GPATCH2: variants seen among roughly 807,000 people sequenced by gnomAD.
The protein encoded by GPATCH2 is G patch domain-containing protein 2.
In GPATCH2, 51 loss-of-function variants were observed where a neutral mutation model predicts 58.0. That is an observed-to-expected ratio of 0.88 (90% CI 0.70 to 1.11). The LOEUF is 1.11. Among genes scored for constraint, GPATCH2 ranks in the 50% most tolerant of loss-of-function variants. The pLI is 0.00. For synonymous variants in GPATCH2, 222 were observed against 218.5 expected, an observed-to-expected ratio of 1.02 and a Z score of -0.14; for missense variants, 625 against 652.2, an observed-to-expected ratio of 0.96 and a Z score of 0.45.
At chr1:217,596,345 G>A (rs1306672477) in intron 5 of GPATCH2, among the ~76,000 whole-genome samples, 3 of 152,122 alleles carry the variant, frequency 2.0e-5, no homozygotes, top group Admixed American at 6.6e-5. Context: ...AAGGAATTCT[G>A]TATAGCTTGA....
intron 5 of GPATCH2, among the ~76,000 whole-genome samples, chr1:217,532,900 GTTTTTT>G (rs59591091): frequency 2.7e-4 from 30 of 110,860 alleles, no homozygotes; most frequent in Non-Finnish European, 3.7e-4. Context: ...TTTTTTTTTT[GTTTTTT>G]TTTTTTTTTT....
In GPATCH2 at chr1:217,583,639, A is replaced by C. The variant is rs191375492; in HGVS notation, c.1098+26682T>G. Reference sequence around the variant, plus strand: ...AGAAGCTATATTTGGATAAGGGCTGAAATCTTTTTTTAAGAACTGATTAAA... The same window carrying C: ...AGAAGCTATATTTGGATAAGGGCTGCAATCTTTTTTTAAGAACTGATTAAA... On this transcript the variant is annotated intron_variant, in intron 5 of 9. Coordinates refer to ENST00000366935, the MANE Select transcript of GPATCH2 (RefSeq NM_018040.5). 5.8e-3 allele frequency among the ~76,000 whole-genome samples: 888 copies of C among 151,954 alleles called. 7 individuals carry two copies. Among genetic ancestry groups the C allele is most frequent in the African/African-American group, 0.02 (813 of 41,484 alleles).
chr1:217,560,289 C>T (rs1011160257), intron 5 of GPATCH2, among the ~76,000 whole-genome samples: 2 of 152,338 alleles, frequency 1.3e-5, no homozygotes, highest in Middle Eastern at 3.4e-3. Flanking sequence ...TCGCTATACC[C>T]ACAGTATCCT....
At chr1:217,565,479 T>C (rs1010403824) in intron 5 of GPATCH2, among the ~76,000 whole-genome samples, 13 of 152,170 alleles carry the variant, frequency 8.5e-5, no homozygotes, top group African/African-American at 3.1e-4. Flanking sequence ...CTTATCATAA[T>C]AGTGATGAGC....
Position 217,514,827 on chromosome 1 carries a change from G to A in GPATCH2, c.1161C>T (p.His387=), listed in dbSNP as rs1179538458. The A allele has an allele frequency of 6.8e-7, 1 of 1,460,872 alleles. No homozygotes were observed. The highest frequency in any genetic ancestry group is 2.3e-5 in the East Asian group (1 of 44,130). 90.5% of individuals were successfully genotyped at this position (1,460,872 alleles called of 1,614,324 possible). The change falls in exon 6 of 10, where the codon CAC becomes CAT. Residue 387 remains histidine (H), a synonymous_variant. Coordinates refer to ENST00000366935, the MANE Select transcript of GPATCH2 (RefSeq NM_018040.5). The part of the protein sequence containing the change: ...RMVHFSPDSH[H]HDHWFSPGAR... ...TAAACACACTGAGTACTCACTCATG[G>A]TGATGAGAATCCGGGGAAAAATGAA...
At chr1:217,577,525 T>A (rs1164054048) in intron 5 of GPATCH2, among the ~76,000 whole-genome samples, 2 of 152,184 alleles carry the variant, frequency 1.3e-5, no homozygotes, top group Non-Finnish European at 2.9e-5. Context: ...AAACTTTGCA[T>A]AATATTTAAT....
rs1658397835 is a variant in GPATCH2 at position 217,428,155 on chromosome 1, A to G, written c.*2990T>C. ...ATCAAGTATAACAAATTTTTTAAAC[A>G]GTCAAGTTGCTAATGTAATCATGCT... On this transcript the variant is annotated 3_prime_UTR_variant, in exon 10 of 10. Coordinates refer to ENST00000366935, the MANE Select transcript of GPATCH2 (RefSeq NM_018040.5). 2 of 152,300 alleles carry G rather than the reference A, an allele frequency of 1.3e-5. No homozygotes were observed. Among genetic ancestry groups the G allele is most frequent in the South Asian group, 4.1e-4 (2 of 4,828 alleles). 9.4% of individuals were successfully genotyped at this position (152,300 alleles called of 1,614,324 possible).
rs199651972 is a variant in GPATCH2 at position 217,507,883 on chromosome 1, G to A, written c.1166+6939C>T. On this transcript the variant is annotated intron_variant, in intron 6 of 9. Transcript: ENST00000366935. ...AGAAAAGTCAAATTATTTATAAAAT[G>A]GGGTCTAATACCTGCTATGACTACT... Among the ~76,000 whole-genome samples the A allele has an allele frequency of 5.9e-5, 9 of 152,156 alleles. No homozygotes were observed. The East Asian group carries it at 1.2e-3, about 20-fold the overall frequency.
At chr1:217,470,944 A>G (rs1305129589) in intron 8 of GPATCH2, among the ~76,000 whole-genome samples, 1 of 152,060 alleles carries the variant, frequency 6.6e-6, no homozygotes, top group Non-Finnish European at 1.5e-5. Context: ...TGAATAAAAA[A>G]AACTAAGATA....
intron 1 of GPATCH2, 43 bp from the exon 2 acceptor site, chr1:217,620,542 A>C: frequency 9.3e-7 from 1 of 1,069,616 alleles, no homozygotes; most frequent in Non-Finnish European, 1.4e-6. Flanking sequence ...GTCAGTCTTA[A>C]CCACAGTAAC....
chr1:217,432,339 G>A (rs1382076833), intron 9 of GPATCH2, among the ~76,000 whole-genome samples: 1 of 145,990 alleles, frequency 6.8e-6, no homozygotes, highest in African/African-American at 2.6e-5. Context: ...AATTTTTTTT[G>A]TAGGCTCTTA....
At chr1:217,469,088 G>C (rs1455550078) in intron 8 of GPATCH2, among the ~76,000 whole-genome samples, 1 of 152,032 alleles carries the variant, frequency 6.6e-6, no homozygotes, top group Non-Finnish European at 1.5e-5. Context: ...TATCCATGAG[G>C]TCTAAATCAT....
Position 217,550,687 on chromosome 1 carries a change from A to G in GPATCH2, c.1099-35798T>C, listed in dbSNP as rs546275234. Among the ~76,000 whole-genome samples the G allele has an allele frequency of 2.6e-5, 4 of 152,096 alleles. No individual in the cohort carries two copies. In the South Asian group the frequency reaches 8.3e-4, roughly 32 times the overall value. On this transcript the variant is annotated intron_variant, in intron 5 of 9. Coordinates refer to ENST00000366935, the MANE Select transcript of GPATCH2 (RefSeq NM_018040.5). Reference sequence around the variant, plus strand: ...ACCCATAAAGTAAAATTTGTTTCCAAAAATGAAATAGCTTACTCTGTACTT... The same window carrying G: ...ACCCATAAAGTAAAATTTGTTTCCAGAAATGAAATAGCTTACTCTGTACTT...
At chr1:217,579,079 T>C (rs12752836) in intron 5 of GPATCH2, among the ~76,000 whole-genome samples, 24,167 of 152,148 alleles carry the variant, frequency 0.16, 2,435 homozygotes, top group Non-Finnish European at 0.22. Flanking sequence ...ATATTTCCAA[T>C]GAGCTGAGGT....
chr1:217,570,251 A>G (rs1343327458), intron 5 of GPATCH2, among the ~76,000 whole-genome samples: 2 of 152,080 alleles, frequency 1.3e-5, no homozygotes, highest in East Asian at 3.9e-4. Flanking sequence ...AGCTGGGACT[A>G]GAGGTGCACG....
At chr1:217,444,867 T>C (rs1030107442) in intron 9 of GPATCH2, among the ~76,000 whole-genome samples, 2 of 152,202 alleles carry the variant, frequency 1.3e-5, no homozygotes. Context: ...ATCTAGTACC[T>C]TGAAAAGGAG....
intron 8 of GPATCH2, among the ~76,000 whole-genome samples, chr1:217,479,679 T>C (rs574160111): frequency 6.6e-6 from 1 of 152,082 alleles, no homozygotes. Flanking sequence ...TAAAACTGAA[T>C]GTAAATGGAC....
At chr1:217,433,067 C>T (rs1658621331) in intron 9 of GPATCH2, among the ~76,000 whole-genome samples, 1 of 152,070 alleles carries the variant, frequency 6.6e-6, no homozygotes. Context: ...CACCAATCTA[C>T]ACCTCACCCT....
intron 2 of GPATCH2, 86 bp from the exon 3 acceptor site, chr1:217,614,288 G>T: frequency 4.0e-6 from 3 of 758,864 alleles, no homozygotes; most frequent in Non-Finnish European, 7.0e-6. Context: ...GCAGCTCAGA[G>T]ATGGAACTTA....
Sources: gnomAD v4.1 joint callset for allele counts (sites outside exome capture counted in the v4.1 genomes callset) on GRCh38, gnomAD v4.1.1 for gene constraint, MANE v1.5 for transcripts, NCBI Gene and HGNC (gene_info 2026-07-23, HGNC 2026-07-21) for gene names.